Variants in PPP4R2 observed in about 807,000 individuals in gnomAD.
PPP4R2 encodes serine/threonine-protein phosphatase 4 regulatory subunit 2.
A neutral mutation model predicts 47.2 loss-of-function variants in PPP4R2; 13 were observed. That is an observed-to-expected ratio of 0.28 (90% CI 0.18 to 0.44). The LOEUF (loss-of-function observed/expected upper bound fraction) is 0.44, where lower values mean the gene tolerates loss of function less well. Ranked by LOEUF, PPP4R2 falls within the 20% of genes least tolerant of loss-of-function variation. The pLI, the probability that PPP4R2 is intolerant of heterozygous loss-of-function variation, is 1.00. For missense variants in PPP4R2, 421 were observed against 491.2 expected, an observed-to-expected ratio of 0.86 and a Z score of 1.35; for synonymous variants, 151 against 163.3, an observed-to-expected ratio of 0.92 and a Z score of 0.57.
intron 2 of PPP4R2, among the ~76,000 whole-genome samples, chr3:73,043,705 A>G (rs545662721): frequency 1.3e-4 from 20 of 152,282 alleles, no homozygotes; most frequent in African/African-American, 4.6e-4. Flanking sequence ...ATCTTTTCAT[A>G]TGCTTATTGG....
upstream of PPP4R2, chr3:72,996,753 C>T (rs1274275069): frequency 6.4e-6 from 2 of 314,770 alleles, no homozygotes; most frequent in Non-Finnish European, 1.2e-5. Context: ...GGGTTCCGGG[C>T]CGGAGCGCGC....
chr3:73,027,194 C>G (rs1423285716), intron 2 of PPP4R2, among the ~76,000 whole-genome samples: 4 of 152,176 alleles, frequency 2.6e-5, no homozygotes, highest in African/African-American at 9.7e-5. Flanking sequence ...GTGGCATGAT[C>G]TCAGCTCACT....
At chr3:73,045,041 T>G (rs1260377340) in intron 2 of PPP4R2, among the ~76,000 whole-genome samples, 3 of 152,202 alleles carry the variant, frequency 2.0e-5, no homozygotes, top group Non-Finnish European at 4.4e-5. Context: ...TCGCTCAGGC[T>G]GGATTCCAGT....
intron 2 of PPP4R2, among the ~76,000 whole-genome samples, chr3:73,032,025 A>G (rs978062797): frequency 6.6e-6 from 1 of 152,214 alleles, no homozygotes; most frequent in Non-Finnish European, 1.5e-5. Context: ...GGCCCTACAA[A>G]TGAGAAAGTG....
rs974449966 is a variant in PPP4R2 at position 72,997,015 on chromosome 3, G to A, written c.-23G>A. 1.2e-5 allele frequency: 16 copies of A among 1,383,680 alleles called. No individual in the cohort carries two copies. The highest frequency in any genetic ancestry group is 1.7e-5 in the South Asian group (1 of 60,214). The allele number at this position is 1,383,680 out of a possible 1,614,324, so 85.7% of individuals were successfully genotyped here. A position where few individuals can be genotyped will look rare whatever the true frequency, so the allele number is the denominator to read the frequency against. On this transcript the variant is annotated 5_prime_UTR_variant, in exon 1 of 9. Coordinates refer to ENST00000356692, the MANE Select transcript of PPP4R2 (RefSeq NM_174907.4). ...AAGAGACCCGCGGAGGGAGGCGGAG[G>A]CTGTGAGGGACTCCGGGAAGCCATG... is the stretch of plus-strand genomic sequence containing the variant.
intron 4 of PPP4R2, among the ~76,000 whole-genome samples, chr3:73,060,509 A>T (rs529095491): frequency 1.1e-4 from 16 of 152,308 alleles, no homozygotes; most frequent in Non-Finnish European, 2.1e-4. Context: ...ACTTACTGTG[A>T]CTCATACTAA....
At chr3:73,061,127 T>TC in intron 5 of PPP4R2, 67 bp downstream of exon 5, 1 of 707,096 alleles carries the variant, frequency 1.4e-6, no homozygotes, top group Non-Finnish European at 2.2e-6. Flanking sequence ...GCTTCTAATA[T>TC]ATTATTCTTA....
chr3:73,057,173 C>G (rs928167644), intron 3 of PPP4R2, among the ~76,000 whole-genome samples: 2 of 152,004 alleles, frequency 1.3e-5, no homozygotes, highest in African/African-American at 4.8e-5. Context: ...GTTTCACGGA[C>G]AGACAATTGA....
In PPP4R2 at chr3:73,024,636, C is replaced by T. The variant is rs1019859054; in HGVS notation, c.117-22550C>T. ...AAGCCCAAAGGAGTTTCTTTTCTCT[C>T]TCCTTCCTTCCTGCCTCCCTCCCTC... On this transcript the variant is annotated intron_variant, in intron 2 of 8. Coordinates refer to ENST00000356692, the MANE Select transcript of PPP4R2 (RefSeq NM_174907.4). 2.6e-5 allele frequency among the ~76,000 whole-genome samples: 4 copies of T among 152,242 alleles called. No individual in the cohort carries two copies. In the East Asian group the frequency reaches 7.7e-4, roughly 29 times the overall value.
chr3:73,011,791 ACT>A (rs1701731009), intron 2 of PPP4R2, among the ~76,000 whole-genome samples: 1 of 151,992 alleles, frequency 6.6e-6, no homozygotes, highest in African/African-American at 2.4e-5. Context: ...ACTTGAAGTG[ACT>A]CTAAGCTTTC....
At chr3:73,015,476 A>G (rs866799821) in intron 2 of PPP4R2, among the ~76,000 whole-genome samples, 1 of 122,100 alleles carries the variant, frequency 8.2e-6, no homozygotes, top group East Asian at 2.5e-4. Flanking sequence ...TGCCCAGCCT[A>G]CTGTCTTTTT....
At chr3:73,064,385 T>C (rs1432424503) in intron 7 of PPP4R2, among the ~76,000 whole-genome samples, 2 of 151,784 alleles carry the variant, frequency 1.3e-5, no homozygotes, top group African/African-American at 2.4e-5. Flanking sequence ...AACGTAGATA[T>C]GATGATCCAT....
At chr3:73,046,858 T>C (rs751896866) in intron 2 of PPP4R2, among the ~76,000 whole-genome samples, 1 of 152,248 alleles carries the variant, frequency 6.6e-6, no homozygotes, top group African/African-American at 2.4e-5. Context: ...TGGTTAGGTT[T>C]GTTATGAGTG....
At position 73,065,468 on chromosome 3, in the gene PPP4R2, A is replaced by C; in HGVS notation, c.1000A>C (p.Thr334Pro). The C allele has an allele frequency of 6.2e-7, 1 of 1,611,810 alleles. No homozygotes were observed. The highest frequency in any genetic ancestry group is 8.5e-7 in the Non-Finnish European group (1 of 1,179,688). Reference protein sequence around the residue: ...NQEKESDDALTVNEETSEENN... With the variant: ...NQEKESDDALPVNEETSEENN... ...AGAAAAAGAATCTGATGATGCCTTA[A>C]CTGTGAATGAAGAGACTTCTGAGGA... is the stretch of plus-strand genomic sequence containing the variant. The change falls in exon 9 of 9, where the codon ACT becomes CCT. Residue 334 changes from threonine (T) to proline (P), a missense_variant. Coordinates refer to ENST00000356692, the MANE Select transcript of PPP4R2 (RefSeq NM_174907.4).
At position 73,057,767 on chromosome 3, in the gene PPP4R2, G is replaced by T. The variant is rs910980874; in HGVS notation, c.288-1270G>T. ...AAACAACTATAATTTTGTAAAATACGTGTGGTACAATGGAAAGGACATGAG... is the reference window on the plus strand; with the variant it reads ...AAACAACTATAATTTTGTAAAATACTTGTGGTACAATGGAAAGGACATGAG... On this transcript the variant is annotated intron_variant, in intron 3 of 8. Coordinates refer to ENST00000356692, the MANE Select transcript of PPP4R2 (RefSeq NM_174907.4). Among the ~76,000 whole-genome samples, 6 of 152,034 alleles carry T rather than the reference G, an allele frequency of 3.9e-5. No homozygotes were observed. The East Asian group carries it at 1.2e-3, about 29-fold the overall frequency.
At chr3:73,016,661 A>G (rs1375280339) in intron 2 of PPP4R2, among the ~76,000 whole-genome samples, 1 of 151,554 alleles carries the variant, frequency 6.6e-6, no homozygotes, top group Admixed American at 6.6e-5. Context: ...AATAAATAAT[A>G]TGAATGTCCT....
Position 73,063,767 on chromosome 3 carries a change from A to G in PPP4R2, c.494+20A>G. The G allele has an allele frequency of 1.5e-6, 2 of 1,343,960 alleles. No homozygotes were observed. Among genetic ancestry groups the G allele is most frequent in the Non-Finnish European group, 2.1e-6 (2 of 957,248 alleles). 83.3% of individuals were successfully genotyped at this position (1,343,960 alleles called of 1,614,324 possible). A position where few individuals can be genotyped will look rare whatever the true frequency, so the allele number is the denominator to read the frequency against. On this transcript the variant is annotated intron_variant, in intron 6 of 8. Transcript: ENST00000356692. ...TGAGAGGTGAGATTCTAGATTTTTA[A>G]TACCTACAGAGTTTGCATTGTCCTG...
rs1031881436 is a variant in PPP4R2, at chr3:73,069,032, T to G, written c.*3310T>G. The G allele has an allele frequency of 6.6e-6, 1 of 152,190 alleles. No individual in the cohort carries two copies. The highest frequency in any genetic ancestry group is 2.4e-5 in the African/African-American group (1 of 41,442). 9.4% of individuals were successfully genotyped at this position (152,190 alleles called of 1,614,324 possible). On this transcript the variant is annotated 3_prime_UTR_variant, in exon 9 of 9. Transcript: ENST00000356692. ...AATTATAAAAATTAGGTTTGCTGGGTTTTGGCCTAATAAGAGTGCTAGTAT... is the reference window on the plus strand; with the variant it reads ...AATTATAAAAATTAGGTTTGCTGGGGTTTGGCCTAATAAGAGTGCTAGTAT...
chr3:73,012,439 A>G (rs1701744615), intron 2 of PPP4R2, among the ~76,000 whole-genome samples: 1 of 152,100 alleles, frequency 6.6e-6, no homozygotes, highest in African/African-American at 2.4e-5. Context: ...AGCTGGGACT[A>G]CGAGCGCCTG....
Sources: allele counts gnomAD v4.1 joint callset (sites outside exome capture counted in the v4.1 genomes callset), GRCh38; gene constraint gnomAD v4.1.1; transcripts MANE v1.5; gene names NCBI Gene and HGNC (gene_info 2026-07-23, HGNC 2026-07-21).